Variants in ZNF567 observed in about 807,000 individuals in gnomAD.
ZNF567 encodes zinc finger protein 567.
A neutral mutation model predicts 53.9 loss-of-function variants in ZNF567; 36 were observed. That is an observed-to-expected ratio of 0.67 (90% CI 0.51 to 0.88). The LOEUF is 0.88. Ranked by LOEUF, ZNF567 falls within the 40% of genes least tolerant of loss-of-function variation. ZNF567 has a pLI of 0.00. For synonymous variants in ZNF567, 224 were observed against 260.4 expected (o/e 0.86, Z 1.35); for missense variants, 619 against 764.7 (o/e 0.81, Z 2.25).
chr19:36,693,603 C>T (rs1159461148), intron 2 of ZNF567, among the ~76,000 whole-genome samples: 1 of 152,036 alleles, frequency 6.6e-6, no homozygotes, highest in Admixed American at 6.6e-5. Flanking sequence ...AGAAAATAAA[C>T]ACCAAAAATT....
At chr19:36,722,923 A>C (rs2040316653), downstream of ZNF567, among the ~76,000 whole-genome samples, 1 of 152,230 alleles carries the variant, frequency 6.6e-6, no homozygotes, top group Non-Finnish European at 1.5e-5. Flanking sequence ...CATGTCATTA[A>C]ATTTAGCCTT....
rs551704754 is a variant in ZNF567, at chr19:36,698,839, A to G, written c.9+3963A>G. On this transcript the variant is annotated intron_variant, in intron 3 of 5. Transcript: ENST00000682579. ...GATATTAGCCCTTTGTCAGATGAGT[A>G]GGTTGCGAAAATTTTCTCCCATTTT... 3.7e-3 allele frequency among the ~76,000 whole-genome samples: 563 copies of G among 152,242 alleles called. 3 individuals carry two copies. The highest frequency in any genetic ancestry group is 6.2e-3 in the Non-Finnish European group (420 of 68,018).
intron 5 of ZNF567, among the ~76,000 whole-genome samples, chr19:36,713,553 T>C (rs936075270): frequency 6.6e-6 from 1 of 152,066 alleles, no homozygotes; most frequent in African/African-American, 2.4e-5. Context: ...AAGGTTACAG[T>C]GAGCTAGGAT....
the ZNF567 span, among the ~76,000 whole-genome samples, chr19:36,667,200 C>A: frequency 1.3e-5 from 2 of 151,952 alleles, no homozygotes; most frequent in Non-Finnish European, 2.9e-5. Context: ...TATGAACTGA[C>A]GGTGAGGGTG....
chr19:36,674,996 G>C, the ZNF567 span, among the ~76,000 whole-genome samples: 3 of 152,138 alleles, frequency 2.0e-5, no homozygotes, highest in African/African-American at 7.2e-5. Context: ...CAAGTGATCA[G>C]TCCACCTCAG....
chr19:36,694,763 T>G, intron 2 of ZNF567, 39 bp from the exon 3 acceptor site: 2 of 1,044,098 alleles, frequency 1.9e-6, no homozygotes, highest in Non-Finnish European at 2.7e-6. Flanking sequence ...GCACATGTGG[T>G]CTCATGTGGC....
At chr19:36,697,695 T>C (rs949612152) in intron 3 of ZNF567, among the ~76,000 whole-genome samples, 7 of 151,092 alleles carry the variant, frequency 4.6e-5, no homozygotes, top group African/African-American at 1.7e-4. Flanking sequence ...TACTGCAACC[T>C]CTGCCTCCCA....
intron 2 of ZNF567, among the ~76,000 whole-genome samples, chr19:36,690,383 A>G (rs1167848065): frequency 6.6e-6 from 1 of 152,176 alleles, no homozygotes; most frequent in Non-Finnish European, 1.5e-5. Context: ...GCTTGAGTCC[A>G]GGAGTTCAAG....
chr19:36,676,754 G>A, the ZNF567 span, among the ~76,000 whole-genome samples: 1 of 152,054 alleles, frequency 6.6e-6, no homozygotes, highest in East Asian at 1.9e-4. Flanking sequence ...TCGGTGGCTC[G>A]CGCTTGTAAT....
rs961460171 is a variant in ZNF567, at chr19:36,697,614, C to CT, written c.9+2751dup. 2.4e-3 allele frequency among the ~76,000 whole-genome samples: 337 copies of CT among 141,726 alleles called. 2 individuals are homozygous for CT. The highest frequency in any genetic ancestry group is 3.7e-3 in the Middle Eastern group (1 of 272). The allele number at this position is 141,726 out of a possible 152,430, so 93.0% of individuals were successfully genotyped here. ...AGCTATAGGATTAGGATTTTTTTTTCTTTTTTTTTTTTTCTTGAGACAGAG... is the reference window on the plus strand; with the variant it reads ...AGCTATAGGATTAGGATTTTTTTTTCTTTTTTTTTTTTTTCTTGAGACAGAG... On this transcript the variant is annotated intron_variant, in intron 3 of 5. Coordinates refer to ENST00000682579, the MANE Select transcript of ZNF567 (RefSeq NM_001322917.1).
chr19:36,715,500 A>T (rs1445909433), intron 5 of ZNF567, among the ~76,000 whole-genome samples: 37 of 74,690 alleles, frequency 5.0e-4, no homozygotes, highest in South Asian at 1.3e-3. Context: ...TAATAATAAT[A>T]ATAATAATAA....
At chr19:36,696,766 C>T (rs2038911277) in intron 3 of ZNF567, among the ~76,000 whole-genome samples, 3 of 152,182 alleles carry the variant, frequency 2.0e-5, no homozygotes, top group Admixed American at 6.5e-5. Context: ...TGCTTGCTTA[C>T]ATATTTTTGT....
the ZNF567 span, among the ~76,000 whole-genome samples, chr19:36,675,919 A>G: frequency 2.0e-5 from 3 of 152,076 alleles, no homozygotes; most frequent in Non-Finnish European, 4.4e-5. Context: ...CTGGCATTCT[A>G]TTTGTATGTA....
chr19:36,724,063 A>G (rs2040324382), downstream of ZNF567, among the ~76,000 whole-genome samples: 1 of 140,800 alleles, frequency 7.1e-6, no homozygotes, highest in Non-Finnish European at 1.5e-5. Flanking sequence ...CTGGAGTGCA[A>G]TGGTGCGATC....
chr19:36,671,097 G>A, the ZNF567 span, among the ~76,000 whole-genome samples: 114 of 152,218 alleles, frequency 7.5e-4, no homozygotes, highest in African/African-American at 2.3e-3. Context: ...GCAAGACTCC[G>A]TCTCAAAACA....
upstream of ZNF567, chr19:36,686,051 A>G (rs1568675959): frequency 6.6e-6 from 1 of 152,258 alleles, no homozygotes; most frequent in Non-Finnish European, 1.5e-5. Flanking sequence ...AAAAGCTGCA[A>G]GACTTCCTGA....
Position 36,718,968 on chromosome 19 carries a change from G to A in ZNF567, c.244G>A (p.Asp82Asn). 6.4e-7 allele frequency: 1 copy of A among 1,563,420 alleles called. No individual in the cohort carries two copies. Among genetic ancestry groups the A allele is most frequent in the East Asian group, 2.2e-5 (1 of 44,450 alleles). Reference protein sequence around the residue: ...TCLEENWKAEDFLVKFKEHQE... With the variant: ...TCLEENWKAENFLVKFKEHQE... ...TCTAGAAGAAAACTGGAAAGCTGAA[G>A]ACTTTTTAGTGAAATTCAAGGAACA... Residue 82 changes from aspartate (D) to asparagine (N), a missense_variant, in exon 6 of 6, where the codon GAC becomes AAC. Asp to Asn is a conservative substitution (Grantham distance 23, BLOSUM62 1). Transcript: ENST00000682579.
intron 3 of ZNF567, among the ~76,000 whole-genome samples, chr19:36,695,602 G>C (rs2038845074): frequency 6.6e-6 from 1 of 151,970 alleles, no homozygotes; most frequent in African/African-American, 2.4e-5. Flanking sequence ...GGGAGGTTTA[G>C]GTGGGAGGAT....
the ZNF567 span, chr19:36,668,463 T>TG: frequency 6.6e-6 from 1 of 152,340 alleles, no homozygotes; most frequent in Non-Finnish European, 1.5e-5. Context: ...CTTTTTGCGC[T>TG]GGGTCCACCC....
Sources: allele counts gnomAD v4.1 joint callset (sites outside exome capture counted in the v4.1 genomes callset), GRCh38; gene constraint gnomAD v4.1.1; transcripts MANE v1.5; gene names NCBI Gene and HGNC (gene_info 2026-07-23, HGNC 2026-07-21).